The following CAMK2A variants were observed in gnomAD, a reference collection of about 807,000 sequenced individuals.
CAMK2A encodes calcium/calmodulin-dependent protein kinase type II subunit alpha.
A neutral mutation model predicts 79.2 loss-of-function variants in CAMK2A; 7 were observed. That is an observed-to-expected ratio of 0.09 (90% CI 0.05 to 0.17). CAMK2A has a LOEUF of 0.17. Ranked by LOEUF, CAMK2A falls within the 10% of genes least tolerant of loss-of-function variation. The pLI is 1.00. For synonymous variants in CAMK2A, 242 were observed against 251.7 expected, an observed-to-expected ratio of 0.96 and a Z score of 0.36; for missense variants, 214 against 646.4, an observed-to-expected ratio of 0.33 and a Z score of 7.25.
At chr5:150,253,614 C>A (rs1394158838) in intron 6 of CAMK2A, 68 bp from the exon 7 acceptor site, 2 of 1,343,148 alleles carry the variant, frequency 1.5e-6, no homozygotes, top group African/African-American at 1.4e-5. Flanking sequence ...AGATTCAGAG[C>A]CTCACCTCTA....
At chr5:150,271,525 C>T (rs991384418) in intron 2 of CAMK2A, among the ~76,000 whole-genome samples, 2 of 152,230 alleles carry the variant, frequency 1.3e-5, no homozygotes, top group Admixed American at 6.5e-5. Flanking sequence ...CCTGCTGGGC[C>T]CTGGCCCCAC....
At chr5:150,222,852 C>T in intron 18 of CAMK2A, 137 bp downstream of exon 18, 1 of 1,377,786 alleles carries the variant, frequency 7.3e-7, no homozygotes, top group South Asian at 1.2e-5. Flanking sequence ...GCAGGCCTGG[C>T]CCCCTTCTTG....
At chr5:150,229,581 A>G (rs1473741931) in intron 16 of CAMK2A, among the ~76,000 whole-genome samples, 1 of 152,220 alleles carries the variant, frequency 6.6e-6, no homozygotes, top group Non-Finnish European at 1.5e-5. Flanking sequence ...CAGAACCTAG[A>G]GCAGGCTGCA....
intron 15 of CAMK2A, among the ~76,000 whole-genome samples, chr5:150,236,333 A>G (rs1405488527): frequency 6.6e-6 from 1 of 152,260 alleles, no homozygotes; most frequent in Admixed American, 6.5e-5. Context: ...TGGTGCTCCA[A>G]GAAAATGTCA....
At chr5:150,278,796 G>A (rs1757082918) in intron 1 of CAMK2A, among the ~76,000 whole-genome samples, 1 of 152,162 alleles carries the variant, frequency 6.6e-6, no homozygotes, top group South Asian at 2.1e-4. Flanking sequence ...GGCGTGTATT[G>A]GCAACCTGGT....
At chr5:150,242,713 A>G (rs1465294928) in intron 13 of CAMK2A, among the ~76,000 whole-genome samples, 1 of 152,168 alleles carries the variant, frequency 6.6e-6, no homozygotes, top group Non-Finnish European at 1.5e-5. Context: ...ACTCGAACCC[A>G]TGGCTTCTTG....
At chr5:150,267,874 C>CTTT (rs796333078) in intron 2 of CAMK2A, among the ~76,000 whole-genome samples, 4 of 133,360 alleles carry the variant, frequency 3.0e-5, no homozygotes, top group Admixed American at 7.5e-5. Flanking sequence ...AGCCAAGGAG[C>CTTT]TTTTTTTTTT....
chr5:150,238,519 AC>A (rs1755188840), intron 15 of CAMK2A, 180 bp downstream of exon 15: 2 of 710,128 alleles, frequency 2.8e-6, no homozygotes, highest in East Asian at 2.7e-5. Context: ...TTCCAGTACC[AC>A]CCCCGCCCTC....
chr5:150,257,723 A>G, intron 3 of CAMK2A, 106 bp from the exon 4 acceptor site: 1 of 865,082 alleles, frequency 1.2e-6, no homozygotes, highest in Non-Finnish European at 1.9e-6. Context: ...GCTCCCAGAC[A>G]GTCACTGAGT....
chr5:150,271,777 C>T (rs1259787080), intron 2 of CAMK2A, among the ~76,000 whole-genome samples: 2 of 152,236 alleles, frequency 1.3e-5, no homozygotes, highest in Admixed American at 1.3e-4. Context: ...CTGTCTCAAA[C>T]ACAGAGTAAT....
At chr5:150,235,777 G>T (rs939719980) in intron 15 of CAMK2A, among the ~76,000 whole-genome samples, 4 of 152,098 alleles carry the variant, frequency 2.6e-5, no homozygotes, top group African/African-American at 7.2e-5. Context: ...TCAGGTCAGA[G>T]TCCACCCCAC....
At chr5:150,262,558 A>G (rs747517814) in intron 3 of CAMK2A, among the ~76,000 whole-genome samples, 3 of 151,968 alleles carry the variant, frequency 2.0e-5, no homozygotes, top group East Asian at 3.9e-4. Context: ...TCTCCTGCAC[A>G]TTCTCAGTGC....
At chr5:150,252,231 C>T (rs1159431339) in intron 7 of CAMK2A, among the ~76,000 whole-genome samples, 166 bp from the exon 8 acceptor site, 1 of 152,150 alleles carries the variant, frequency 6.6e-6, no homozygotes, top group South Asian at 2.1e-4. Context: ...CCCCAGTCGG[C>T]CCAAGACATA....
intron 1 of CAMK2A, among the ~76,000 whole-genome samples, chr5:150,274,144 G>C (rs1173045500): frequency 6.6e-6 from 1 of 152,244 alleles, no homozygotes; most frequent in Non-Finnish European, 1.5e-5. Flanking sequence ...GCAATTTGCT[G>C]TAATTTAATT....
intron 15 of CAMK2A, among the ~76,000 whole-genome samples, chr5:150,231,613 C>CAAA (rs34708614): frequency 8.3e-6 from 1 of 120,464 alleles, no homozygotes; most frequent in Admixed American, 7.9e-5. Context: ...CCCAGAAAGG[C>CAAA]AAAAAAAAAA....
In CAMK2A at chr5:150,284,384, T is replaced by C. The variant is rs529318296; in HGVS notation, c.62+5180A>G. Among the ~76,000 whole-genome samples the C allele has an allele frequency of 6.6e-6, 1 of 152,136 alleles. No individual in the cohort carries two copies. Among genetic ancestry groups the C allele is most frequent in the African/African-American group, 2.4e-5 (1 of 41,478 alleles). ...GAGCACGCATGCATCAGCAACAGGA[T>C]GCGAGTGTTGCACTCCGAGGCTCTG... On this transcript the variant is annotated intron_variant, in intron 1 of 18. Coordinates refer to ENST00000671881, the MANE Select transcript of CAMK2A (RefSeq NM_015981.4). This position sits in a 1 kb window ranked among gnomAD's most constrained non-coding sequence, Gnocchi z 5.3.
intron 3 of CAMK2A, among the ~76,000 whole-genome samples, chr5:150,260,440 CA>C (rs1322472449): frequency 1.4e-5 from 2 of 140,198 alleles, no homozygotes; most frequent in African/African-American, 5.4e-5. Flanking sequence ...GCCTGGGTGA[CA>C]GGGTGAGAGT....
chr5:150,256,227 T>C lies in CAMK2A; in HGVS notation c.411+346A>G, dbSNP rs10463231. On this transcript the variant is annotated intron_variant, in intron 6 of 18. Coordinates refer to ENST00000671881, the MANE Select transcript of CAMK2A (RefSeq NM_015981.4). This position sits in a 1 kb window ranked among gnomAD's most constrained non-coding sequence, Gnocchi z 4.6. ...CTGAGGCTCAGGAAGGTCATGCTACTAAAGGCTGCATGGCTGGAAAGTGGC... is the reference window on the plus strand; with the variant it reads ...CTGAGGCTCAGGAAGGTCATGCTACCAAAGGCTGCATGGCTGGAAAGTGGC... Among the ~76,000 whole-genome samples the C allele has an allele frequency of 2.4e-3, 372 of 152,276 alleles. 10 individuals carry two copies. The East Asian group carries it at 0.063, about 26-fold the overall frequency.
At chr5:150,238,514 G>A (rs1755188245) in intron 15 of CAMK2A, 186 bp downstream of exon 15, 6 of 708,410 alleles carry the variant, frequency 8.5e-6, no homozygotes, top group African/African-American at 5.3e-5. Flanking sequence ...AGTAGTTCCA[G>A]TACCACCCCC....
Sources: allele counts gnomAD v4.1 joint callset (sites outside exome capture counted in the v4.1 genomes callset), GRCh38; gene constraint gnomAD v4.1.1; non-coding constraint Gnocchi (gnomAD v3.1); transcripts MANE v1.5; gene names NCBI Gene and HGNC (gene_info 2026-07-23, HGNC 2026-07-21).